Variants in CAMTA1 observed in about 807,000 individuals in gnomAD.
The protein encoded by CAMTA1 is calmodulin-binding transcription activator 1.
A neutral mutation model predicts 170.9 loss-of-function variants in CAMTA1; 27 were observed. The ratio of observed to expected loss-of-function variants is 0.16; its 90% CI spans 0.12 to 0.22. The LOEUF is 0.22. Among genes scored for constraint, CAMTA1 ranks in the 10% least tolerant of loss-of-function variants. CAMTA1 has a pLI of 1.00. For synonymous variants in CAMTA1, 833 were observed against 891.5 expected, an observed-to-expected ratio of 0.93 and a Z score of 1.17; for missense variants, 1,619 against 2,217.2, an observed-to-expected ratio of 0.73 and a Z score of 5.42.
intron 11 of CAMTA1, among the ~76,000 whole-genome samples, chr1:7,730,228 T>C (rs11121007): frequency 0.033 from 5,074 of 152,282 alleles, 227 homozygotes; most frequent in African/African-American, 0.1. Context: ...ACAGCTTTTA[T>C]ATGGCAGAGC....
At chr1:7,576,618 C>T (rs1162869529) in intron 6 of CAMTA1, among the ~76,000 whole-genome samples, 3 of 152,128 alleles carry the variant, frequency 2.0e-5, no homozygotes, top group Non-Finnish European at 4.4e-5. Context: ...ACTGGAAATC[C>T]ATTTCTGTTC....
At chr1:7,131,234 G>A (rs1645234336) in intron 4 of CAMTA1, among the ~76,000 whole-genome samples, 1 of 152,134 alleles carries the variant, frequency 6.6e-6, no homozygotes, top group African/African-American at 2.4e-5. Flanking sequence ...TTACAGGTGC[G>A]AGCCACTGCG....
intron 5 of CAMTA1, among the ~76,000 whole-genome samples, chr1:7,288,620 A>G (rs1256583230): frequency 6.6e-6 from 1 of 152,202 alleles, no homozygotes; most frequent in Non-Finnish European, 1.5e-5. Context: ...TCAAAAGTTG[A>G]GAAGGAAGAG....
Position 7,677,151 on chromosome 1 carries a change from A to C in CAMTA1, c.2780-448A>C, listed in dbSNP as rs571945870. Among the ~76,000 whole-genome samples, 26 of 152,356 alleles carry C rather than the reference A, an allele frequency of 1.7e-4. 1 individual carries two copies. The South Asian group carries it at 5.0e-3, about 29-fold the overall frequency. ...GGGATGGCTGGCTGTTCATCGAGTC[A>C]GGACAAGCTTGTAGGAATAGGTGAA... On this transcript the variant is annotated intron_variant, in intron 10 of 22. Coordinates refer to ENST00000303635, the MANE Select transcript of CAMTA1 (RefSeq NM_015215.4).
At chr1:7,148,549 C>T (rs1646379864) in intron 4 of CAMTA1, among the ~76,000 whole-genome samples, 1 of 152,214 alleles carries the variant, frequency 6.6e-6, no homozygotes, top group Admixed American at 6.5e-5. Context: ...GTGTCTTTAC[C>T]TATGGGGGGA....
chr1:6,962,159 T>G (rs1690540627), intron 3 of CAMTA1, among the ~76,000 whole-genome samples: 1 of 152,218 alleles, frequency 6.6e-6, no homozygotes, highest in South Asian at 2.1e-4. Flanking sequence ...AGGACACACG[T>G]GTGCTCCGAG....
At chr1:7,381,027 G>T (rs561901180) in intron 5 of CAMTA1, among the ~76,000 whole-genome samples, 26 of 152,348 alleles carry the variant, frequency 1.7e-4, no homozygotes, top group Middle Eastern at 3.4e-3. Context: ...AAAGAAAGTG[G>T]TTAGGAAAAT....
At chr1:7,737,089 C>G (rs1470532336) in intron 14 of CAMTA1, 80 bp downstream of exon 14, 2 of 1,352,454 alleles carry the variant, frequency 1.5e-6, no homozygotes, top group Non-Finnish European at 2.1e-6. Context: ...ACCGTTGTCT[C>G]TTGCTGACAC....
Position 7,251,613 on chromosome 1 carries a change from T to C in CAMTA1, c.438+1987T>C, listed in dbSNP as rs1239886640. 2.0e-5 allele frequency among the ~76,000 whole-genome samples: 3 copies of C among 152,226 alleles called. No homozygotes were observed. Among genetic ancestry groups the C allele is most frequent in the Non-Finnish European group, 4.4e-5 (3 of 68,042 alleles). ...TCAGCAGATATCGACCCTGTGTGCC[T>C]ACTCTGTGCAAGGCACTATGGTGTC... is the stretch of plus-strand genomic sequence containing the variant. On this transcript the variant is annotated intron_variant, in intron 5 of 22. Transcript: ENST00000303635. The surrounding 1 kb of genome is among the most constrained non-coding windows in gnomAD (Gnocchi z 5.1).
chr1:6,858,484 G>T (rs868632116), intron 3 of CAMTA1, among the ~76,000 whole-genome samples: 2 of 83,474 alleles, frequency 2.4e-5, no homozygotes, highest in Non-Finnish European at 5.0e-5. Context: ...GTGTGTGTGT[G>T]TTGGGGGGGG....
intron 6 of CAMTA1, among the ~76,000 whole-genome samples, chr1:7,533,481 C>G (rs2094514624): frequency 6.6e-6 from 1 of 152,208 alleles, no homozygotes; most frequent in Non-Finnish European, 1.5e-5. Flanking sequence ...AGGGCTACTC[C>G]GAAGGGAGGT....
chr1:7,219,454 G>A (rs1012153704), intron 4 of CAMTA1: 2 of 145,072 alleles, frequency 1.4e-5, no homozygotes, highest in African/African-American at 5.2e-5. Context: ...TGACCCTTGT[G>A]ATTTCCCCAA....
At position 7,293,321 on chromosome 1, in the gene CAMTA1, TG is replaced by T. The variant is rs1673432347; in HGVS notation, c.438+43696del. Among the ~76,000 whole-genome samples, 2 of 152,148 alleles carry T rather than the reference TG, an allele frequency of 1.3e-5. No homozygotes were observed. Among genetic ancestry groups the T allele is most frequent in the African/African-American group, 4.8e-5 (2 of 41,434 alleles). On this transcript the variant is annotated intron_variant, in intron 5 of 22. Transcript: ENST00000303635. The surrounding 1 kb of genome is among the most constrained non-coding windows in gnomAD (Gnocchi z 4.1). ...AGGGATAACGTGCTGGCAGGCCACT[TG>T]TCCAAGAGAATCATTCCTTCCTGCA...
chr1:7,268,537 T>A (rs1669250348), intron 5 of CAMTA1, among the ~76,000 whole-genome samples: 1 of 152,072 alleles, frequency 6.6e-6, no homozygotes, highest in South Asian at 2.1e-4. Flanking sequence ...AACACCTGGG[T>A]ATTCCACAGA....
intron 4 of CAMTA1, among the ~76,000 whole-genome samples, chr1:7,118,839 A>G (rs2148441219): frequency 6.6e-6 from 1 of 152,340 alleles, no homozygotes; most frequent in Non-Finnish European, 1.5e-5. Context: ...AGGGAAACAC[A>G]ACGGGAACCT....
intron 5 of CAMTA1, among the ~76,000 whole-genome samples, chr1:7,322,779 TTTC>T (rs972429997): frequency 6.6e-6 from 1 of 152,264 alleles, no homozygotes; most frequent in South Asian, 2.1e-4. Context: ...TAATTGTACC[TTTC>T]TTCTTCTTCC....
chr1:7,768,489 A>G lies in CAMTA1; in HGVS notation c.*1998A>G, dbSNP rs567003838. ...TCAAGGCTTGTTGTGAAGCCTAAAA[A>G]TATTCACAAATAAGCTTTTAAACTG... On this transcript the variant is annotated 3_prime_UTR_variant, in exon 23 of 23. Coordinates refer to ENST00000303635, the MANE Select transcript of CAMTA1 (RefSeq NM_015215.4). The G allele has an allele frequency of 1.9e-3, 291 of 152,928 alleles. No individual in the cohort carries two copies. The highest frequency in any genetic ancestry group is 6.3e-3 in the African/African-American group (262 of 41,590). 9.5% of individuals were successfully genotyped at this position (152,928 alleles called of 1,614,324 possible).
intron 3 of CAMTA1, among the ~76,000 whole-genome samples, chr1:6,883,458 G>A (rs957047458): frequency 1.3e-5 from 2 of 152,156 alleles, no homozygotes; most frequent in African/African-American, 2.4e-5. Flanking sequence ...GCAGGAGAGG[G>A]CAGGGAGTTG....
rs558902890 is a variant in CAMTA1 at position 7,480,109 on chromosome 1, G to A, written c.510+12208G>A. On this transcript the variant is annotated intron_variant, in intron 6 of 22. Transcript: ENST00000303635. ...CGTGTGTGTGCCTGTGTGTGAGAGC[G>A]TGTGTGTGTGTGTGAGTATGTGTGT... is the stretch of plus-strand genomic sequence containing the variant. 5.0e-4 allele frequency among the ~76,000 whole-genome samples: 14 copies of A among 28,206 alleles called. No individual in the cohort carries two copies. In the South Asian group the frequency reaches 0.011, roughly 22 times the overall value. The allele number at this position is 28,206 out of a possible 152,430, so 18.5% of individuals were successfully genotyped here.
Sources: allele counts gnomAD v4.1 joint callset (sites outside exome capture counted in the v4.1 genomes callset), GRCh38; gene constraint gnomAD v4.1.1; non-coding constraint Gnocchi (gnomAD v3.1); transcripts MANE v1.5; gene names NCBI Gene and HGNC (gene_info 2026-07-23, HGNC 2026-07-21).